The following PRKCH variants were observed in gnomAD, a reference collection of about 807,000 sequenced individuals.
PRKCH encodes protein kinase C eta.
Under a neutral mutation model 82.5 loss-of-function variants are expected in PRKCH, and 28 were observed. The ratio of observed to expected loss-of-function variants is 0.34; its 90% confidence interval spans 0.25 to 0.47. PRKCH has a LOEUF of 0.47. Ranked by LOEUF, PRKCH falls within the 20% of genes least tolerant of loss-of-function variation. PRKCH has a pLI of 1.00. For synonymous variants in PRKCH, 322 were observed against 327.4 expected (o/e 0.98, Z 0.18); for missense variants, 705 against 881.8 (o/e 0.80, Z 2.54).
At chr14:61,485,116 T>A (rs1453889599) in intron 9 of PRKCH, among the ~76,000 whole-genome samples, 3 of 152,154 alleles carry the variant, frequency 2.0e-5, no homozygotes, top group Non-Finnish European at 4.4e-5. Flanking sequence ...CTGCTAGGTG[T>A]CCTTTACTTT....
At chr14:61,262,006 G>T (rs2045049806) in intron 1 of PRKCH, among the ~76,000 whole-genome samples, 1 of 151,970 alleles carries the variant, frequency 6.6e-6, no homozygotes, top group Non-Finnish European at 1.5e-5. Context: ...CAAATCACGA[G>T]GTCAGGAGTT....
chr14:61,381,845 T>A (rs1333203288), intron 1 of PRKCH, among the ~76,000 whole-genome samples: 1 of 152,170 alleles, frequency 6.6e-6, no homozygotes, highest in African/African-American at 2.4e-5. Context: ...GCAGGCATGC[T>A]TGAGGCTGAG....
chr14:61,308,249 G>A (rs2045496879), intron 1 of PRKCH, among the ~76,000 whole-genome samples: 1 of 152,204 alleles, frequency 6.6e-6, no homozygotes, highest in South Asian at 2.1e-4. Flanking sequence ...CATAGCTTGT[G>A]CATTTACGTG....
At chr14:61,343,346 TC>T (rs2045951110) in intron 1 of PRKCH, among the ~76,000 whole-genome samples, 1 of 96,894 alleles carries the variant, frequency 1.0e-5, no homozygotes, top group African/African-American at 4.0e-5. Context: ...AATGACCAGT[TC>T]CCTCAAAAAA....
intron 12 of PRKCH, chr14:61,545,249 C>G (rs2043240040): frequency 6.6e-6 from 1 of 152,250 alleles, no homozygotes; most frequent in Non-Finnish European, 1.5e-5. Flanking sequence ...TCGTCCTCAT[C>G]TCTGGTCAAA....
chr14:61,454,328 T>G (rs1390073688), intron 7 of PRKCH, among the ~76,000 whole-genome samples: 1 of 152,096 alleles, frequency 6.6e-6, no homozygotes, highest in Admixed American at 6.5e-5. Flanking sequence ...GTCTCAAACT[T>G]CTGATCTCAA....
chr14:61,392,807 C>T (rs895310981), intron 2 of PRKCH, among the ~76,000 whole-genome samples: 13 of 149,826 alleles, frequency 8.7e-5, no homozygotes, highest in Admixed American at 4.6e-4. Flanking sequence ...ATCTCTCTGT[C>T]ATAGGATCAC....
rs187402769 is a variant in PRKCH at position 61,365,509 on chromosome 14, C to T, written c.364-25716C>T. 2.2e-4 allele frequency among the ~76,000 whole-genome samples: 33 copies of T among 152,068 alleles called. No individual in the cohort carries two copies. The South Asian group carries it at 5.2e-3, about 24-fold the overall frequency. Reference sequence around the variant, plus strand: ...AAGTGTAGAGGGAAAATGTATTTCACGTATTTCACTGGGTAAGAGAATGGA... The same window carrying T: ...AAGTGTAGAGGGAAAATGTATTTCATGTATTTCACTGGGTAAGAGAATGGA... On this transcript the variant is annotated intron_variant, in intron 1 of 13. Coordinates refer to ENST00000332981, the MANE Select transcript of PRKCH (RefSeq NM_006255.5).
At chr14:61,212,417 T>C (rs1207112874) in intron 1 of PRKCH, among the ~76,000 whole-genome samples, 2 of 152,144 alleles carry the variant, frequency 1.3e-5, no homozygotes, top group Non-Finnish European at 2.9e-5. Flanking sequence ...GAACAGAAAA[T>C]AGAATCAGTA....
intron 1 of PRKCH, among the ~76,000 whole-genome samples, chr14:61,291,469 A>T (rs771040661): frequency 2.9e-4 from 44 of 152,090 alleles, no homozygotes; most frequent in Non-Finnish European, 4.9e-4. Context: ...AGCTGGGACT[A>T]CAGGTGTGTG....
chr14:61,526,075 G>A (rs1002861258), intron 10 of PRKCH, among the ~76,000 whole-genome samples: 1 of 152,150 alleles, frequency 6.6e-6, no homozygotes, highest in Non-Finnish European at 1.5e-5. Context: ...CACTGGGCAG[G>A]ACCACGATCA....
At chr14:61,416,018 C>T (rs990771642) in intron 2 of PRKCH, among the ~76,000 whole-genome samples, 1 of 151,136 alleles carries the variant, frequency 6.6e-6, no homozygotes, top group African/African-American at 2.4e-5. Flanking sequence ...GTCAAGATTC[C>T]CCTCCCTTGC....
chr14:61,398,182 T>G (rs11848044), intron 2 of PRKCH, among the ~76,000 whole-genome samples: 5,261 of 152,314 alleles, frequency 0.035, 296 homozygotes, highest in African/African-American at 0.12. Flanking sequence ...AAATTGAAAT[T>G]TATTATAGTG....
At chr14:61,545,202 G>C (rs1011720731) in intron 12 of PRKCH, 1 of 152,164 alleles carries the variant, frequency 6.6e-6, no homozygotes, top group Admixed American at 6.5e-5. Context: ...GTCCTCAGGC[G>C]CATTTTCTTC....
At chr14:61,234,509 G>A (rs2044771783) in intron 1 of PRKCH, among the ~76,000 whole-genome samples, 1 of 152,118 alleles carries the variant, frequency 6.6e-6, no homozygotes, top group Non-Finnish European at 1.5e-5. Context: ...TGTTGAGCAT[G>A]AGCACACACT....
chr14:61,210,246 G>A (rs4899033), intron 1 of PRKCH, among the ~76,000 whole-genome samples: 83,243 of 148,626 alleles, frequency 0.56, 25,701 homozygotes, highest in Admixed American at 0.68. Flanking sequence ...CCCGGGAGGC[G>A]GAGGTTACAG....
chr14:61,543,682 G>A (rs1268775507), intron 12 of PRKCH: 1 of 152,234 alleles, frequency 6.6e-6, no homozygotes, highest in Non-Finnish European at 1.5e-5. Context: ...GACCTTAAAT[G>A]TGGATGAAAG....
At chr14:61,248,206 G>C (rs1428394547) in intron 1 of PRKCH, among the ~76,000 whole-genome samples, 2 of 152,034 alleles carry the variant, frequency 1.3e-5, no homozygotes, top group Non-Finnish European at 2.9e-5. Context: ...TCCTGTCCTG[G>C]TGGGTTGACC....
intron 1 of PRKCH, among the ~76,000 whole-genome samples, chr14:61,210,784 C>G (rs868842747): frequency 0.02 from 1,951 of 95,994 alleles, 43 homozygotes; most frequent in East Asian, 0.14. Context: ...CTCTCTCTCT[C>G]TCTCTCTGTG....
Sources: allele counts gnomAD v4.1 joint callset (sites outside exome capture counted in the v4.1 genomes callset), GRCh38; gene constraint gnomAD v4.1.1; transcripts MANE v1.5; gene names NCBI Gene and HGNC (gene_info 2026-07-23, HGNC 2026-07-21).